PRDM15: variants seen among roughly 807,000 people sequenced by gnomAD.
PRDM15 encodes PR/SET domain 15.
Under a neutral mutation model 128.6 loss-of-function variants are expected in PRDM15, and 64 were observed. The ratio of observed to expected loss-of-function variants is 0.50; its 90% CI spans 0.41 to 0.61. The LOEUF (loss-of-function observed/expected upper bound fraction) is 0.61. PRDM15 is among the 20% of genes least tolerant of loss of function. PRDM15 has a pLI of 0.00. For missense variants in PRDM15, 1,242 were observed against 1,569.1 expected (o/e 0.79, Z 3.52); for synonymous variants, 615 against 621.8 (o/e 0.99, Z 0.16).
In PRDM15 at chr21:41,810,223, G is replaced by A. The variant is rs1649599613; in HGVS notation, c.2583C>T (p.Cys861=). 1 of 1,612,948 alleles carries A rather than the reference G, an allele frequency of 6.2e-7. No homozygotes were observed. The highest frequency in any genetic ancestry group is 1.7e-5 in the Admixed American group (1 of 59,964). The change falls in exon 21 of 24, where the codon TGC becomes TGT. Residue 861 remains cysteine (C), a synonymous_variant. Coordinates refer to ENST00000398548, the MANE Select transcript of PRDM15 (RefSeq NM_001040424.3). The surrounding 1 kb of genome is among the most constrained non-coding windows in gnomAD (Gnocchi z 6.4). The part of the protein sequence containing the change: ...LTHDKVEAQS[C]QLCGTKVSTR... The stretch of plus-strand genomic sequence containing the variant: ...TGGACACCTTGGTCCCGCACAGCTG[G>A]CAGCTCTGCGCCTCCACCTTGTCGT...
intron 18 of PRDM15, among the ~76,000 whole-genome samples, chr21:41,816,886 C>T (rs28655208): frequency 1 from 151,462 of 151,464 alleles, 75,730 homozygotes; most frequent in Middle Eastern, 1. Flanking sequence ...ACTGTCAATC[C>T]TTTTGATTAA....
intron 1 of PRDM15, among the ~76,000 whole-genome samples, chr21:41,869,505 G>A (rs1393478998): frequency 6.6e-6 from 1 of 150,632 alleles, no homozygotes; most frequent in East Asian, 2.0e-4. Context: ...GGGGTCCAAT[G>A]GTGCGATCTC....
At chr21:41,806,509 AT>A (rs2061650946) in intron 21 of PRDM15, among the ~76,000 whole-genome samples, 9 of 48,528 alleles carry the variant, frequency 1.9e-4, no homozygotes, top group African/African-American at 5.4e-4. Context: ...CACCATCACC[AT>A]CACCACCACC....
At chr21:41,842,365 T>G (rs1260663981) in intron 6 of PRDM15, among the ~76,000 whole-genome samples, 1 of 152,230 alleles carries the variant, frequency 6.6e-6, no homozygotes, top group Non-Finnish European at 1.5e-5. Context: ...TCCCAAATGC[T>G]TATCTTCTCC....
chr21:41,864,737 C>G (rs1380552561), intron 1 of PRDM15, among the ~76,000 whole-genome samples: 1 of 152,172 alleles, frequency 6.6e-6, no homozygotes, highest in Non-Finnish European at 1.5e-5. Context: ...ATTTTCCACA[C>G]TGCAGAGCAG....
In PRDM15 at chr21:41,854,292, C is replaced by T. The variant is rs1267538170; in HGVS notation, c.538+274G>A. Reference sequence around the variant, plus strand: ...TACCATGCACTCATGACAATGCCATCGCCCCAGGACACATTTCTGAGAATG... The same window carrying T: ...TACCATGCACTCATGACAATGCCATTGCCCCAGGACACATTTCTGAGAATG... On this transcript the variant is annotated intron_variant, in intron 5 of 23. Transcript: ENST00000398548. This position sits in a 1 kb window ranked among gnomAD's most constrained non-coding sequence, Gnocchi z 4.6. Among the ~76,000 whole-genome samples, 1 of 152,170 alleles carries T rather than the reference C, an allele frequency of 6.6e-6. No homozygotes were observed. Among genetic ancestry groups the T allele is most frequent in the Non-Finnish European group, 1.5e-5 (1 of 68,030 alleles).
intron 5 of PRDM15, among the ~76,000 whole-genome samples, chr21:41,848,349 G>A (rs2063330781): frequency 6.6e-6 from 1 of 152,216 alleles, no homozygotes; most frequent in Non-Finnish European, 1.5e-5. Context: ...AGAAGAAAGA[G>A]GCATAAATGC....
chr21:41,840,442 CAAAAAA>C (rs35052917), intron 6 of PRDM15, among the ~76,000 whole-genome samples: 2 of 91,148 alleles, frequency 2.2e-5, no homozygotes, highest in Non-Finnish European at 4.4e-5. Context: ...AAGACTGTCT[CAAAAAA>C]AAAAAAAAAA....
intron 22 of PRDM15, 71 bp from the exon 23 acceptor site, chr21:41,802,992 A>T: frequency 1.1e-5 from 13 of 1,201,196 alleles, no homozygotes; most frequent in Non-Finnish European, 1.5e-5. Flanking sequence ...GGGCAGCCCC[A>T]GCACTGCCCT....
At chr21:41,819,913 G>C in intron 17 of PRDM15, 182 bp downstream of exon 17, 1 of 763,588 alleles carries the variant, frequency 1.3e-6, no homozygotes, top group East Asian at 2.7e-5. Flanking sequence ...TGAGGGGGCT[G>C]GGGGCGCTGG....
chr21:41,802,966 C>G, intron 22 of PRDM15, 45 bp from the exon 23 acceptor site: 1 of 1,532,574 alleles, frequency 6.5e-7, no homozygotes, highest in Non-Finnish European at 9.0e-7. Context: ...TAGTCGGTCA[C>G]GTCAGGCAGC....
At chr21:41,851,827 T>C (rs1205036605) in intron 5 of PRDM15, among the ~76,000 whole-genome samples, 1 of 152,156 alleles carries the variant, frequency 6.6e-6, no homozygotes, top group Non-Finnish European at 1.5e-5. Flanking sequence ...TTGCCATTTG[T>C]CCCCAAACAC....
Position 41,862,594 on chromosome 21 carries a change from G to C in PRDM15, c.-9-2222C>G, listed in dbSNP as rs1306887187. ...AAATGTCCGAGTCCTGGCAATAAGG[G>C]TCCCGATTAGCAGCATCTGGTCCCC... On this transcript the variant is annotated intron_variant, in intron 1 of 23. Coordinates refer to ENST00000398548, the MANE Select transcript of PRDM15 (RefSeq NM_001040424.3). This position sits in a 1 kb window ranked among gnomAD's most constrained non-coding sequence, Gnocchi z 4.1. Among the ~76,000 whole-genome samples, 3 of 152,174 alleles carry C rather than the reference G, an allele frequency of 2.0e-5. No homozygotes were observed. Among genetic ancestry groups the C allele is most frequent in the Non-Finnish European group, 4.4e-5 (3 of 68,036 alleles).
At chr21:41,829,214 A>G (rs929704775) in intron 11 of PRDM15, among the ~76,000 whole-genome samples, 8 of 148,334 alleles carry the variant, frequency 5.4e-5, no homozygotes, top group Non-Finnish European at 1.2e-4. Flanking sequence ...CATACATGTC[A>G]CACACACCAT....
intron 1 of PRDM15, among the ~76,000 whole-genome samples, chr21:41,869,252 G>A (rs960380703): frequency 6.6e-6 from 1 of 152,014 alleles, no homozygotes; most frequent in Non-Finnish European, 1.5e-5. Context: ...TCTTCACCAA[G>A]CCCAAGGTTC....
At chr21:41,850,754 A>C (rs924713231) in intron 5 of PRDM15, among the ~76,000 whole-genome samples, 5 of 152,102 alleles carry the variant, frequency 3.3e-5, no homozygotes, top group African/African-American at 1.2e-4. Context: ...AAAAAGAAAA[A>C]GATGGAACTA....
chr21:41,821,897 C>T lies in PRDM15; in HGVS notation c.1896+6G>A, dbSNP rs368567962. ...ACCCAGGCACCGCGGGGCAAACCCG[C>T]CATACCTGGCACCGCTTGCAGCTGT... is the stretch of plus-strand genomic sequence containing the variant. On this transcript the variant is annotated splice_donor_region_variant and intron_variant, in intron 15 of 23. Coordinates refer to ENST00000398548, the MANE Select transcript of PRDM15 (RefSeq NM_001040424.3). This position sits in a 1 kb window ranked among gnomAD's most constrained non-coding sequence, Gnocchi z 5.4. The T allele has an allele frequency of 2.0e-4, 325 of 1,614,018 alleles. No homozygotes were observed. The highest frequency in any genetic ancestry group is 2.4e-4 in the Non-Finnish European group (289 of 1,180,040).
At chr21:41,815,581 C>G in intron 19 of PRDM15, 124 bp downstream of exon 19, 2 of 1,348,248 alleles carry the variant, frequency 1.5e-6, no homozygotes, top group Non-Finnish European at 1.0e-6. Context: ...TCTTGGGGAA[C>G]CCGGCACTCA....
At chr21:41,856,548 A>G (rs955951463) in intron 4 of PRDM15, among the ~76,000 whole-genome samples, 1 of 152,052 alleles carries the variant, frequency 6.6e-6, no homozygotes, top group Non-Finnish European at 1.5e-5. Flanking sequence ...TACGATACAG[A>G]GGGCAGGCAT....
Sources: allele counts gnomAD v4.1 joint callset (sites outside exome capture counted in the v4.1 genomes callset), GRCh38; gene constraint gnomAD v4.1.1; non-coding constraint Gnocchi (gnomAD v3.1); transcripts MANE v1.5; gene names NCBI Gene and HGNC (gene_info 2026-07-23, HGNC 2026-07-21).